PCGF1: variants seen among roughly 807,000 people sequenced by gnomAD.
The protein encoded by PCGF1 is polycomb group RING finger protein 1.
In PCGF1, 10 loss-of-function variants were observed where a neutral mutation model predicts 38.8. The ratio of observed to expected loss-of-function variants is 0.26; its 90% CI spans 0.16 to 0.44. The LOEUF (loss-of-function observed/expected upper bound fraction) is 0.44, where lower values mean the gene tolerates loss of function less well. Ranked by LOEUF, PCGF1 falls within the 20% of genes least tolerant of loss-of-function variation. PCGF1 has a pLI of 1.00. For synonymous variants in PCGF1, 119 were observed against 121.3 expected (o/e 0.98, Z 0.12); for missense variants, 230 against 331.5 (o/e 0.69, Z 2.38).
rs1400345785 is a variant in PCGF1, at chr2:74,506,853, T to C, written c.231A>G (p.Gln77=). 6.2e-7 allele frequency: 1 copy of C among 1,614,228 alleles called. No individual in the cohort carries two copies. The highest frequency in any genetic ancestry group is 8.5e-7 in the Non-Finnish European group (1 of 1,180,042). Residue 77 remains glutamine, a synonymous_variant, in exon 3 of 9, where the codon CAA becomes CAG. Coordinates refer to ENST00000233630, the MANE Select transcript of PCGF1 (RefSeq NM_032673.3). ...TGCACATGGGGCAGTACTTGCTAGT[T>C]TGGAGGTACTTCACAATACAACTCT... The part of the protein sequence containing the change: ...FCKSCIVKYL[Q]TSKYCPMCNI...
Position 74,505,653 on chromosome 2 carries a change from G to A in PCGF1, c.565-15C>T, listed in dbSNP as rs748685316. On this transcript the variant is annotated splice_polypyrimidine_tract_variant and intron_variant, in intron 6 of 8. Transcript: ENST00000233630. The stretch of plus-strand genomic sequence containing the variant: ...ACATACTTGTTCTGGGAGCAGGGAG[G>A]GGAGGGAAGAGGGCAAGGTGTGTGA... 3 of 1,614,166 alleles carry A rather than the reference G, an allele frequency of 1.9e-6. No homozygotes were observed. The highest frequency in any genetic ancestry group is 2.5e-6 in the Non-Finnish European group (3 of 1,180,032).
In PCGF1 at chr2:74,505,437, G is replaced by A. The variant is rs771444379; in HGVS notation, c.652-18C>T. 42 of 1,605,402 alleles carry A rather than the reference G, an allele frequency of 2.6e-5. No homozygotes were observed. The highest frequency in any genetic ancestry group is 3.6e-5 in the Non-Finnish European group (42 of 1,174,270). ...AGCTGCACCTAGGAGGGAGATGGGG[G>A]CATAATTTTAGGAACTTTCTGGCAG... On this transcript the variant is annotated intron_variant, in intron 7 of 8. Coordinates refer to ENST00000233630, the MANE Select transcript of PCGF1 (RefSeq NM_032673.3).
intron 4 of PCGF1, 36 bp downstream of exon 4, chr2:74,506,145 T>C: frequency 6.2e-7 from 1 of 1,613,514 alleles, no homozygotes; most frequent in East Asian, 2.2e-5. Context: ...AGAAGAATGC[T>C]CTGGGGTCTT....
intron 3 of PCGF1, 41 bp from the exon 4 acceptor site, chr2:74,506,293 C>T (rs748517556): frequency 1.3e-5 from 20 of 1,595,002 alleles, no homozygotes; most frequent in Admixed American, 1.7e-5. Context: ...ATTAGCCCTT[C>T]GGGGCCGGGC....
rs745924671 is a variant in PCGF1, at chr2:74,506,189, G to A, written c.416C>T (p.Thr139Ile). 2 of 1,614,216 alleles carry A rather than the reference G, an allele frequency of 1.2e-6. No homozygotes were observed. The highest frequency in any genetic ancestry group is 1.7e-6 in the Non-Finnish European group (2 of 1,180,034). ...SRGLDRVTQPTGEEPALSNLG... is the reference protein window; with the variant it reads ...SRGLDRVTQPIGEEPALSNLG... Reference sequence around the variant, plus strand: ...CGCGGCCAAGGACATACCTTCCCCAGTGGGCTGGGTGACCCGGTCCAAACC... The same window carrying A: ...CGCGGCCAAGGACATACCTTCCCCAATGGGCTGGGTGACCCGGTCCAAACC... Residue 139 changes from threonine (T) to isoleucine (I), a missense_variant, in exon 4 of 9, where the codon ACT becomes ATT. By Grantham distance (89) the Thr-to-Ile change is moderately conservative. Transcript: ENST00000233630.
At chr2:74,505,684 G>A (rs1469750420) in intron 6 of PCGF1, 46 bp from the exon 7 acceptor site, 1 of 1,614,028 alleles carries the variant, frequency 6.2e-7, no homozygotes, top group South Asian at 1.1e-5. Context: ...TGTGAGGGAA[G>A]GACCATGGGA....
chr2:74,506,290 C>T (rs1403380576), intron 3 of PCGF1, 38 bp from the exon 4 acceptor site: 6 of 1,603,794 alleles, frequency 3.7e-6, no homozygotes, highest in Non-Finnish European at 5.1e-6. Flanking sequence ...AGTATTAGCC[C>T]TTCGGGGCCG....
In PCGF1 at chr2:74,506,739, C is replaced by T. The variant is rs1290749019; in HGVS notation, c.345G>A (p.Leu115=). 2 of 1,613,750 alleles carry T rather than the reference C, an allele frequency of 1.2e-6. No individual in the cohort carries two copies. Among genetic ancestry groups the T allele is most frequent in the South Asian group, 1.1e-5 (1 of 91,058 alleles). ...QDIVYKLVPG[L]QDSEEKRIRE... ...GTCAGGTTGGTGACTCACTGTCTTG[C>T]AAGCCAGGCACCAGCTTATACACGA... Residue 115 remains leucine (L), a synonymous_variant, in exon 3 of 9, where the codon TTG becomes TTA. Transcript: ENST00000233630.
At chr2:74,505,921 C>T in intron 5 of PCGF1, 31 bp downstream of exon 5, 2 of 1,611,196 alleles carry the variant, frequency 1.2e-6, no homozygotes. Context: ...TTGGCACTGT[C>T]ACCTCCTGCA....
In PCGF1 at chr2:74,505,054, A is replaced by C; in HGVS notation, c.*89T>G. On this transcript the variant is annotated 3_prime_UTR_variant, in exon 9 of 9. Transcript: ENST00000233630. ...AGGCAGAAGAGAGGTGCTTTTTAAAAGTTTTTATTTCAAAAAATAAAGCTG... is the reference window on the plus strand; with the variant it reads ...AGGCAGAAGAGAGGTGCTTTTTAAACGTTTTTATTTCAAAAAATAAAGCTG... 1.5e-6 allele frequency: 2 copies of C among 1,353,270 alleles called. No homozygotes were observed. Among genetic ancestry groups the C allele is most frequent in the African/African-American group, 1.5e-5 (1 of 67,746 alleles). 83.8% of individuals were successfully genotyped at this position (1,353,270 alleles called of 1,614,324 possible).
At chr2:74,506,549 G>C (rs1274141007) in intron 3 of PCGF1, 183 bp downstream of exon 3, 1 of 699,820 alleles carries the variant, frequency 1.4e-6, no homozygotes, top group Non-Finnish European at 2.4e-6. Context: ...CTGCACTCCA[G>C]CCTGGGCAAG....
At chr2:74,505,900 G>A in intron 5 of PCGF1, 52 bp downstream of exon 5, 1 of 1,605,788 alleles carries the variant, frequency 6.2e-7, no homozygotes, top group Non-Finnish European at 8.5e-7. Context: ...ACCCTCCCTG[G>A]CTCTGGGTCA....
At chr2:74,506,104 C>T in intron 4 of PCGF1, 47 bp from the exon 5 acceptor site, 2 of 1,612,258 alleles carry the variant, frequency 1.2e-6, no homozygotes, top group Non-Finnish European at 1.7e-6. Flanking sequence ...ACATTCCATA[C>T]TCCTCTTTCC....
intron 3 of PCGF1, 81 bp downstream of exon 3, chr2:74,506,651 G>C: frequency 2.0e-6 from 3 of 1,504,386 alleles, no homozygotes; most frequent in Middle Eastern, 2.3e-4. Flanking sequence ...GCCTACGTGA[G>C]TCCTACCAAA....
At chr2:74,506,590 A>G in intron 3 of PCGF1, 142 bp downstream of exon 3, 2 of 918,394 alleles carry the variant, frequency 2.2e-6, no homozygotes, top group Non-Finnish European at 1.7e-6. Context: ...AAAAAAGAAT[A>G]AAGTATTAGC....
intron 1 of PCGF1, 98 bp downstream of exon 1, chr2:74,507,478 C>A: frequency 6.6e-7 from 1 of 1,515,012 alleles, no homozygotes; most frequent in Non-Finnish European, 8.8e-7. Context: ...TGTCTCTGCG[C>A]AGGCGCACTG....
chr2:74,506,336 G>A, intron 3 of PCGF1, 84 bp from the exon 4 acceptor site: 3 of 1,275,988 alleles, frequency 2.4e-6, no homozygotes, highest in Non-Finnish European at 3.4e-6. Context: ...CCAGCACTTT[G>A]GGAGGCAGAG....
chr2:74,507,558 AC>A lies in PCGF1; in HGVS notation c.93+17del. 6.4e-7 allele frequency: 1 copy of A among 1,572,850 alleles called. No individual in the cohort carries two copies. ...GCACCGCTGGCCGACCACAGCAGTAACCCTGCCGCCCTTGCACCTCGTTCCG... is the reference window on the plus strand; with the variant it reads ...GCACCGCTGGCCGACCACAGCAGTAACCTGCCGCCCTTGCACCTCGTTCCG... On this transcript the variant is annotated intron_variant, in intron 1 of 8. Transcript: ENST00000233630.
At position 74,507,649 on chromosome 2, in the gene PCGF1, C is replaced by T. The variant is rs756543141; in HGVS notation, c.20G>A (p.Gly7Asp). 1.0e-5 allele frequency: 16 copies of T among 1,567,316 alleles called. No individual in the cohort carries two copies. The South Asian group carries it at 1.9e-4, about 18-fold the overall frequency. MASPQG[G>D]QIAIAMRLRN... ...AAGCCTCATCGCGATCGCAATCTGG[C>T]CCCCCTGAGGAGACGCCATCTTAAA... is the stretch of plus-strand genomic sequence containing the variant. The change falls in exon 1 of 9, where the codon GGC (glycine) becomes GAC (aspartate). Residue 7 changes from glycine (G) to aspartate (D), a missense_variant. Coordinates refer to ENST00000233630, the MANE Select transcript of PCGF1 (RefSeq NM_032673.3).
Sources: gnomAD v4.1 joint callset for allele counts on GRCh38, gnomAD v4.1.1 for gene constraint, MANE v1.5 for transcripts, NCBI Gene and HGNC (gene_info 2026-07-23, HGNC 2026-07-21) for gene names.